Variants in CDH4 observed in about 807,000 individuals in gnomAD.
CDH4 encodes the protein cadherin-4.
Under a neutral mutation model 86.0 loss-of-function variants are expected in CDH4, and 33 were observed. The observed-to-expected ratio is 0.38, with a 90% confidence interval of 0.29 to 0.51. The LOEUF is 0.51. Ranked by LOEUF, CDH4 falls within the 20% of genes least tolerant of loss-of-function variation. The probability of loss-of-function intolerance (pLI) is 0.86; values close to 1 mark genes in which losing one functional copy is unlikely to be tolerated. For synonymous variants in CDH4, 555 were observed against 549.4 expected (o/e 1.01, Z -0.14); for missense variants, 1,114 against 1,307.4 (o/e 0.85, Z 2.28).
At chr20:61,759,992 C>G (rs908536948) in intron 3 of CDH4, among the ~76,000 whole-genome samples, 2 of 152,222 alleles carry the variant, frequency 1.3e-5, no homozygotes, top group Non-Finnish European at 2.9e-5. Context: ...GGTAGCTTGT[C>G]CGGATCTCTT....
At chr20:61,830,225 C>T (rs1392338937) in intron 4 of CDH4, among the ~76,000 whole-genome samples, 1 of 151,878 alleles carries the variant, frequency 6.6e-6, no homozygotes, top group African/African-American at 2.4e-5. Flanking sequence ...AGGGAGCAGG[C>T]GAGTCCTCTC....
At chr20:61,746,414 T>C (rs1436514034) in intron 3 of CDH4, among the ~76,000 whole-genome samples, 1 of 152,126 alleles carries the variant, frequency 6.6e-6, no homozygotes, top group African/African-American at 2.4e-5. Flanking sequence ...TTGCCCCAAG[T>C]GGTGTAGGCT....
rs546116568 is a variant in CDH4 at position 61,889,667 on chromosome 20, T to G, written c.1051-5243T>G. 4.5e-4 allele frequency among the ~76,000 whole-genome samples: 68 copies of G among 149,534 alleles called. 1 individual carries two copies. The highest frequency in any genetic ancestry group is 1.6e-3 in the African/African-American group (64 of 40,368). On this transcript the variant is annotated intron_variant, in intron 7 of 15. Transcript: ENST00000614565. The stretch of plus-strand genomic sequence containing the variant: ...GATGATGGATGGGTGGATGGATCAA[T>G]GATGGATGAGTGAGTGGATAGTTGG...
At chr20:61,570,840 T>G (rs2086336620) in intron 2 of CDH4, 1 of 699,630 alleles carries the variant, frequency 1.4e-6, no homozygotes, top group Non-Finnish European at 2.6e-6. Flanking sequence ...TTTCTTCCCC[T>G]TCCAAGTGTG....
At chr20:61,257,877 C>A (rs1325540562) in intron 2 of CDH4, among the ~76,000 whole-genome samples, 1 of 152,170 alleles carries the variant, frequency 6.6e-6, no homozygotes, top group Non-Finnish European at 1.5e-5. Context: ...GCGGGAGAGT[C>A]CTAGGTGGCA....
rs1242692385 is a variant in CDH4, at chr20:61,910,408, C to T, written c.1189-14C>T. 41 of 1,609,452 alleles carry T rather than the reference C, an allele frequency of 2.5e-5. No homozygotes were observed. The highest frequency in any genetic ancestry group is 3.4e-5 in the Non-Finnish European group (40 of 1,176,350). On this transcript the variant is annotated splice_polypyrimidine_tract_variant and intron_variant, in intron 8 of 15. Coordinates refer to ENST00000614565, the MANE Select transcript of CDH4 (RefSeq NM_001794.5). ...TAACACGGGTTTGTGACATTCTTTCCTTCCATTTTGCAGTTTGCAGGGGAG... is the reference window on the plus strand; with the variant it reads ...TAACACGGGTTTGTGACATTCTTTCTTTCCATTTTGCAGTTTGCAGGGGAG...
intron 2 of CDH4, among the ~76,000 whole-genome samples, chr20:61,607,022 T>G (rs200273979): frequency 6.6e-6 from 1 of 152,240 alleles, no homozygotes; most frequent in Non-Finnish European, 1.5e-5. Flanking sequence ...GGCCGGTCTG[T>G]GGTGGGTGAC....
intron 2 of CDH4, among the ~76,000 whole-genome samples, chr20:61,430,945 C>T (rs1417819166): frequency 6.6e-6 from 1 of 152,202 alleles, no homozygotes; most frequent in African/African-American, 2.4e-5. Flanking sequence ...GTGTCATCGG[C>T]AAGAATTGAA....
At chr20:61,821,694 G>C (rs934004943) in intron 4 of CDH4, among the ~76,000 whole-genome samples, 9 of 152,190 alleles carry the variant, frequency 5.9e-5, no homozygotes, top group African/African-American at 1.4e-4. Context: ...AAAGACCCTT[G>C]GGGGGGTCTA....
chr20:61,499,784 G>A (rs1029780838), intron 2 of CDH4, among the ~76,000 whole-genome samples: 1 of 152,148 alleles, frequency 6.6e-6, no homozygotes, highest in African/African-American at 2.4e-5. Flanking sequence ...TGGGGACGAT[G>A]AGGAGACCCT....
chr20:61,767,838 A>T (rs2088718579), intron 3 of CDH4, among the ~76,000 whole-genome samples: 1 of 152,190 alleles, frequency 6.6e-6, no homozygotes, highest in Admixed American at 6.5e-5. Context: ...AGATAAAAGT[A>T]GGACCACAGC....
intron 2 of CDH4, among the ~76,000 whole-genome samples, chr20:61,565,215 C>CGGTGGT (rs2086267676): frequency 2.4e-5 from 1 of 41,168 alleles, no homozygotes; most frequent in East Asian, 5.2e-4. Flanking sequence ...GCGGTGCTCT[C>CGGTGGT]GGTGGTAGGT....
At chr20:61,866,882 C>T (rs1342056311) in intron 6 of CDH4, among the ~76,000 whole-genome samples, 3 of 152,210 alleles carry the variant, frequency 2.0e-5, no homozygotes, top group Non-Finnish European at 4.4e-5. Flanking sequence ...CGCAGTTGGC[C>T]GGAAAGCAGG....
chr20:61,654,637 G>C (rs191586526), intron 2 of CDH4, among the ~76,000 whole-genome samples: 36 of 152,262 alleles, frequency 2.4e-4, no homozygotes, highest in African/African-American at 7.2e-4. Flanking sequence ...TCCGAGGTTC[G>C]TTTGGCATCA....
At chr20:61,900,025 G>T (rs114630484) in intron 8 of CDH4, among the ~76,000 whole-genome samples, 5 of 152,126 alleles carry the variant, frequency 3.3e-5, no homozygotes, top group African/African-American at 1.2e-4. Flanking sequence ...TGCTGCCTGC[G>T]GTCCCTCCTC....
At position 61,480,993 on chromosome 20, in the gene CDH4, G is replaced by A. The variant is rs1227595459; in HGVS notation, c.169+226056G>A. 6.6e-6 allele frequency among the ~76,000 whole-genome samples: 1 copy of A among 152,174 alleles called. No individual in the cohort carries two copies. Among genetic ancestry groups the A allele is most frequent in the East Asian group, 1.9e-4 (1 of 5,182 alleles). ...CTTGGTAGTCAGATGACATCCATGA[G>A]AGGCGTTCTCAGTCAGCTTCATTTC... On this transcript the variant is annotated intron_variant, in intron 2 of 15. Coordinates refer to ENST00000614565, the MANE Select transcript of CDH4 (RefSeq NM_001794.5). This position sits in a 1 kb window ranked among gnomAD's most constrained non-coding sequence, Gnocchi z 5.2.
At chr20:61,590,881 G>GGGT (rs2086514077) in intron 2 of CDH4, among the ~76,000 whole-genome samples, 2 of 152,106 alleles carry the variant, frequency 1.3e-5, no homozygotes, top group Non-Finnish European at 2.9e-5. Flanking sequence ...ATCTATGGGG[G>GGGT]GGGGGGTCCC....
chr20:61,870,741 C>T (rs1273520762), intron 6 of CDH4, among the ~76,000 whole-genome samples: 5 of 152,186 alleles, frequency 3.3e-5, no homozygotes, highest in Non-Finnish European at 7.3e-5. Flanking sequence ...CATGACTTTC[C>T]CAGCTCTGCC....
At chr20:61,744,661 G>A (rs571746432) in intron 3 of CDH4, among the ~76,000 whole-genome samples, 2 of 152,198 alleles carry the variant, frequency 1.3e-5, no homozygotes, top group South Asian at 2.1e-4. Context: ...GCTGCCCTCC[G>A]ACTCTGCCTC....
Sources: gnomAD v4.1 joint callset for allele counts (sites outside exome capture counted in the v4.1 genomes callset) on GRCh38, gnomAD v4.1.1 for gene constraint, Gnocchi (gnomAD v3.1) non-coding constraint, MANE v1.5 for transcripts, NCBI Gene and HGNC (gene_info 2026-07-23, HGNC 2026-07-21) for gene names.